KIF21B: variants seen among roughly 807,000 people sequenced by gnomAD.
KIF21B encodes kinesin-like protein KIF21B.
Under a neutral mutation model 192.9 loss-of-function variants are expected in KIF21B, and 85 were observed. The observed-to-expected ratio is 0.44, with a 90% CI of 0.37 to 0.53. KIF21B has a LOEUF of 0.53. Ranked by LOEUF, KIF21B falls within the 20% of genes least tolerant of loss-of-function variation. The pLI is 0.00. For missense variants in KIF21B, 1,716 were observed against 2,194.8 expected (o/e 0.78, Z 4.36); for synonymous variants, 832 against 884.6 (o/e 0.94, Z 1.05).
In KIF21B at chr1:201,002,230, T is replaced by C. The variant is rs1657539363; in HGVS notation, c.1333A>G (p.Ile445Val). The change falls in exon 9 of 35, where the codon ATC (isoleucine) becomes GTC (valine). Residue 445 changes from isoleucine (I) to valine (V), a missense_variant. By Grantham distance (29) the Ile-to-Val change is conservative. Around this residue, in one of 3 missense-constraint regions of KIF21B, gnomAD observed 1,087 missense variants for 1,316.6 expected, o/e 0.83. Coordinates refer to ENST00000461742, the MANE Select transcript of KIF21B (RefSeq NM_001252102.2). The part of the protein sequence containing the change: ...RLRVKAMQEA[I>V]DAINNRVTQL... ...GTGACGCGGTTGTTGATGGCATCGA[T>C]GGCCTCCTGCATGGCTTTCACCCGC... 2 of 1,614,240 alleles carry C rather than the reference T, an allele frequency of 1.2e-6. No individual in the cohort carries two copies. Among genetic ancestry groups the C allele is most frequent in the East Asian group, 4.5e-5 (2 of 44,888 alleles).
At position 200,971,195 on chromosome 1, in the gene KIF21B, T is replaced by C. The variant is rs1412193335; in HGVS notation, c.*2326A>G. ...GAGTGGGCAGAGAATCCAACTCTCA[T>C]GAAGCACAACTCGGGGTGTCTCATG... On this transcript the variant is annotated 3_prime_UTR_variant, in exon 35 of 35. Transcript: ENST00000461742. 6.5e-6 allele frequency: 1 copy of C among 152,806 alleles called. No homozygotes were observed. The highest frequency in any genetic ancestry group is 2.4e-5 in the African/African-American group (1 of 41,472). The allele number at this position is 152,806 out of a possible 1,614,324, so 9.5% of individuals were successfully genotyped here. A position where few individuals can be genotyped will look rare whatever the true frequency, so the allele number is the denominator to read the frequency against.
chr1:201,002,387 G>C (rs753153445), intron 8 of KIF21B, 37 bp from the exon 9 acceptor site: 3 of 1,594,516 alleles, frequency 1.9e-6, no homozygotes, highest in Non-Finnish European at 2.6e-6. Flanking sequence ...TCAGGCAGCA[G>C]AGCTCGCGGT....
At position 200,982,936 on chromosome 1, in the gene KIF21B, T is replaced by A; in HGVS notation, c.3842+120A>T. 1 of 835,700 alleles carries A rather than the reference T, an allele frequency of 1.2e-6. No homozygotes were observed. The highest frequency in any genetic ancestry group is 1.9e-6 in the Non-Finnish European group (1 of 516,270). 51.8% of individuals were successfully genotyped at this position (835,700 alleles called of 1,614,324 possible). On this transcript the variant is annotated intron_variant, in intron 28 of 34. Transcript: ENST00000461742. This position sits in a 1 kb window ranked among gnomAD's most constrained non-coding sequence, Gnocchi z 4.7. ...GAGAGGGGGGCAGCAGGAAGGGGAGTGGAGGGGCCGCATGCTGAGGACACG... is the reference window on the plus strand; with the variant it reads ...GAGAGGGGGGCAGCAGGAAGGGGAGAGGAGGGGCCGCATGCTGAGGACACG...
chr1:200,998,261 G>T lies in KIF21B; in HGVS notation c.2077+123C>A. On this transcript the variant is annotated intron_variant, in intron 14 of 34. Transcript: ENST00000461742. This position sits in a 1 kb window ranked among gnomAD's most constrained non-coding sequence, Gnocchi z 4.3. ...GTGGGTCAAAGGACCACAGTCAAAG[G>T]TTGGGAAGTCCCTTGCCTAGAAGGC... 1 of 884,902 alleles carries T rather than the reference G, an allele frequency of 1.1e-6. No individual in the cohort carries two copies. Among genetic ancestry groups the T allele is most frequent in the Non-Finnish European group, 1.8e-6 (1 of 571,398 alleles). The allele number at this position is 884,902 out of a possible 1,614,324, so 54.8% of individuals were successfully genotyped here. A position where few individuals can be genotyped will look rare whatever the true frequency, so the allele number is the denominator to read the frequency against.
chr1:200,974,164 G>GCTC (rs762531997), intron 34 of KIF21B: 1 of 1,575,646 alleles, frequency 6.3e-7, no homozygotes, highest in Non-Finnish European at 8.6e-7. Flanking sequence ...TGAGTCCAGG[G>GCTC]ACGTAATTCC....
Position 200,977,279 on chromosome 1 carries a change from G to C in KIF21B, c.4258C>G (p.Leu1420Val), listed in dbSNP as rs747812926. The part of the protein sequence containing the change: ...QGEHQINQIA[L>V]SPSGTMLYAA... ...TACAGCATGGTGCCCGAAGGGCTGA[G>C]GGCGATCTGGTTGATCTGATGCTCG... is the stretch of plus-strand genomic sequence containing the variant. The change falls in exon 31 of 35, where the codon CTC becomes GTC. Residue 1420 changes from leucine to valine, a missense_variant. Leu to Val is a conservative substitution (Grantham distance 32). Coordinates refer to ENST00000461742, the MANE Select transcript of KIF21B (RefSeq NM_001252102.2). 6.2e-7 allele frequency: 1 copy of C among 1,614,228 alleles called. No homozygotes were observed. The highest frequency in any genetic ancestry group is 8.5e-7 in the Non-Finnish European group (1 of 1,180,026).
rs1656369567 is a variant in KIF21B, at chr1:200,987,267, G to A, written c.3409-66C>T. 4.1e-6 allele frequency: 6 copies of A among 1,449,708 alleles called. No homozygotes were observed. The South Asian group carries it at 7.8e-5, about 19-fold the overall frequency. 89.8% of individuals were successfully genotyped at this position (1,449,708 alleles called of 1,614,324 possible). A position where few individuals can be genotyped will look rare whatever the true frequency, so the allele number is the denominator to read the frequency against. ...GCATGGCACATAAAGGGGAGCCAGG[G>A]GAAATTCTATTTTTTTTTTTTTGAG... On this transcript the variant is annotated intron_variant, in intron 24 of 34. Transcript: ENST00000461742.
chr1:200,998,550 G>A lies in KIF21B; in HGVS notation c.1911C>T (p.Ala637=), dbSNP rs765071917. Residue 637 remains alanine (A), a synonymous_variant, in exon 14 of 35, where the codon GCC becomes GCT. Transcript: ENST00000461742. The surrounding 1 kb of genome is among the most constrained non-coding windows in gnomAD (Gnocchi z 4.3). ...TGATTTCGATCTCACAAGTCAGGTC[G>A]GCCAGGTCCGCCTGGAAGTTCACCT... The part of the protein sequence containing the change: ...EKEVNFQADL[A]DLTCEIEIKQ... 6.8e-6 allele frequency: 11 copies of A among 1,613,546 alleles called. No homozygotes were observed. The highest frequency in any genetic ancestry group is 4.5e-5 in the East Asian group (2 of 44,878).
At position 200,999,306 on chromosome 1, in the gene KIF21B, C is replaced by A. The variant is rs1341845555; in HGVS notation, c.1885+43G>T. 1 of 1,613,334 alleles carries A rather than the reference C, an allele frequency of 6.2e-7. No individual in the cohort carries two copies. The highest frequency in any genetic ancestry group is 8.5e-7 in the Non-Finnish European group (1 of 1,179,572). Reference sequence around the variant, plus strand: ...GACCCCACACTTGGGCACTGGCAGCCAGGCATTGCATCCCCCACAGCCCAC... The same window carrying A: ...GACCCCACACTTGGGCACTGGCAGCAAGGCATTGCATCCCCCACAGCCCAC... On this transcript the variant is annotated intron_variant, in intron 13 of 34. Coordinates refer to ENST00000461742, the MANE Select transcript of KIF21B (RefSeq NM_001252102.2). The surrounding 1 kb of genome is among the most constrained non-coding windows in gnomAD (Gnocchi z 4.7).
At position 200,982,031 on chromosome 1, in the gene KIF21B, A is replaced by G. The variant is rs1655965401; in HGVS notation, c.3843-935T>C. 3.9e-5 allele frequency among the ~76,000 whole-genome samples: 6 copies of G among 152,192 alleles called. No individual in the cohort carries two copies. In the South Asian group the frequency reaches 1.2e-3, roughly 32 times the overall value. The stretch of plus-strand genomic sequence containing the variant: ...GTGACTCTGGCCAAGGGTCTACTGA[A>G]ATGATCAAGGTTTTGCCTGTGGCGC... On this transcript the variant is annotated intron_variant, in intron 28 of 34. Coordinates refer to ENST00000461742, the MANE Select transcript of KIF21B (RefSeq NM_001252102.2). The surrounding 1 kb of genome is among the most constrained non-coding windows in gnomAD (Gnocchi z 4.7).
At chr1:200,977,067 G>A in intron 31 of KIF21B, 145 bp downstream of exon 31, 1 of 1,076,266 alleles carries the variant, frequency 9.3e-7, no homozygotes, top group East Asian at 2.4e-5. Flanking sequence ...CAGTCTCACT[G>A]GAGAGGGCAC....
rs1197227425 is a variant in KIF21B at position 200,972,021 on chromosome 1, GCGATGCAA to G, written c.*1492_*1499del. On this transcript the variant is annotated 3_prime_UTR_variant, in exon 35 of 35. Coordinates refer to ENST00000461742, the MANE Select transcript of KIF21B (RefSeq NM_001252102.2). ...GACTGAAGCGGGAAGCACAAGACCA[GCGATGCAA>G]CGGAAAAACAGGGTGGGCAACTTTG... 12 of 148,592 alleles carry G rather than the reference GCGATGCAA, an allele frequency of 8.1e-5. No homozygotes were observed. The highest frequency in any genetic ancestry group is 2.5e-4 in the African/African-American group (10 of 40,600). 9.2% of individuals were successfully genotyped at this position (148,592 alleles called of 1,614,324 possible).
chr1:200,993,779 A>AAAAAAG, intron 15 of KIF21B, among the ~76,000 whole-genome samples: 1 of 149,264 alleles, frequency 6.7e-6, no homozygotes, highest in South Asian at 2.1e-4. Context: ...AAAAAAAAAA[A>AAAAAAG]AGAGAGAGAA....
At chr1:200,988,599 G>A in intron 22 of KIF21B, 55 bp from the exon 23 acceptor site, 1 of 1,494,028 alleles carries the variant, frequency 6.7e-7, no homozygotes, top group Non-Finnish European at 9.1e-7. Flanking sequence ...CCAAGTGTCG[G>A]GGGAGGGATG....
intron 24 of KIF21B, among the ~76,000 whole-genome samples, chr1:200,987,821 T>G (rs1656404755): frequency 6.6e-6 from 1 of 152,248 alleles, no homozygotes; most frequent in African/African-American, 2.4e-5. Context: ...CCTTGTCTCC[T>G]TAATAAACCC....
intron 1 of KIF21B, among the ~76,000 whole-genome samples, chr1:201,010,672 C>T (rs564844434): frequency 9.2e-5 from 14 of 152,244 alleles, no homozygotes; most frequent in African/African-American, 3.4e-4. Context: ...AGCCAACACT[C>T]ACCAAGAGAA....
intron 32 of KIF21B, 49 bp downstream of exon 32, chr1:200,976,727 T>C (rs1655571041): frequency 8.2e-7 from 1 of 1,217,262 alleles, no homozygotes; most frequent in Admixed American, 2.0e-5. Context: ...GGGCAAAGAT[T>C]GGGGAGAGTG....
chr1:200,977,711 G>A (rs955540528), intron 30 of KIF21B, among the ~76,000 whole-genome samples: 1 of 151,804 alleles, frequency 6.6e-6, no homozygotes, highest in Non-Finnish European at 1.5e-5. Context: ...GTTAAAAGAG[G>A]TGATTATATC....
At position 201,008,869 on chromosome 1, in the gene KIF21B, G is replaced by T; in HGVS notation, c.347C>A (p.Ala116Asp). ...AATGCCCCCAAAGAGGTGTGCGATG[G>T]CCCTCGGGATGATGCCCTGCTCCTC... ...SEEEQGIIPRAIAHLFGGIAE... is the reference protein window; with the variant it reads ...SEEEQGIIPRDIAHLFGGIAE... The change falls in exon 3 of 35, where the codon GCC becomes GAC. Residue 116 changes from alanine (A) to aspartate (D), a missense_variant. Ala to Asp is a moderately radical substitution (Grantham distance 126). Coordinates refer to ENST00000461742, the MANE Select transcript of KIF21B (RefSeq NM_001252102.2). 6.2e-7 allele frequency: 1 copy of T among 1,611,352 alleles called. No homozygotes were observed.
Sources: gnomAD v4.1 joint callset for allele counts (sites outside exome capture counted in the v4.1 genomes callset) on GRCh38, gnomAD v4.1.1 for gene constraint, gnomAD v4.1.1 regional missense constraint, Gnocchi (gnomAD v3.1) non-coding constraint, MANE v1.5 for transcripts, NCBI Gene and HGNC (gene_info 2026-07-23, HGNC 2026-07-21) for gene names.